The following PAPOLG variants were observed in gnomAD, a reference collection of about 807,000 sequenced individuals.
PAPOLG encodes the protein poly(A) polymerase gamma, also known as PAP-gamma.
A neutral mutation model predicts 99.0 loss-of-function variants in PAPOLG; 40 were observed. The ratio of observed to expected loss-of-function variants is 0.40; its 90% CI spans 0.31 to 0.53. The LOEUF (loss-of-function observed/expected upper bound fraction) is 0.53. Among genes scored for constraint, PAPOLG ranks in the 20% least tolerant of loss-of-function variants. The pLI is 0.41. For missense variants in PAPOLG, 675 were observed against 884.1 expected (o/e 0.76, Z 3.00); for synonymous variants, 310 against 299.3 (o/e 1.04, Z -0.37).
chr2:60,796,906 GA>G, intron 21 of PAPOLG, 155 bp from the exon 22 acceptor site: 1 of 470,040 alleles, frequency 2.1e-6, no homozygotes. Flanking sequence ...AGTTCCCTAT[GA>G]ACACGGAAGG....
chr2:60,785,720 T>C (rs1671342838), intron 13 of PAPOLG, among the ~76,000 whole-genome samples: 1 of 148,492 alleles, frequency 6.7e-6, no homozygotes, highest in South Asian at 2.1e-4. Context: ...CTTATAGGGA[T>C]GGAATCTCAC....
chr2:60,766,676 G>GT (rs1170275759), intron 3 of PAPOLG, among the ~76,000 whole-genome samples: 2 of 128,958 alleles, frequency 1.6e-5, no homozygotes, highest in African/African-American at 5.6e-5. Context: ...GTCTCCATCT[G>GT]TTTAAAAAAA....
In PAPOLG at chr2:60,760,214, T is replaced by A; in HGVS notation, c.98T>A (p.Ile33Asn). Residue 33 changes from isoleucine to asparagine, a missense_variant, in exon 2 of 22, where the codon ATT (isoleucine) becomes AAT (asparagine). Transcript: ENST00000238714. ...SPISLASPKE[I>N]DHIYTQKLID... is the part of the protein sequence containing the mutation. ...ATTAGTTTGGCATCTCCTAAAGAAA[T>A]TGATCATATTTACACACAGAAATTA... The A allele has an allele frequency of 1.2e-6, 2 of 1,613,856 alleles. No individual in the cohort carries two copies. The highest frequency in any genetic ancestry group is 2.2e-5 in the East Asian group (1 of 44,884).
At chr2:60,768,585 AT>A (rs1372808591) in intron 4 of PAPOLG, 34 bp downstream of exon 4, 1 of 1,502,062 alleles carries the variant, frequency 6.7e-7, no homozygotes, top group East Asian at 2.3e-5. Context: ...TGCTAAGAAC[AT>A]TCAATAACAA....
At chr2:60,765,565 T>C (rs1217553415) in intron 3 of PAPOLG, among the ~76,000 whole-genome samples, 4 of 152,158 alleles carry the variant, frequency 2.6e-5, no homozygotes, top group Non-Finnish European at 1.5e-5. Flanking sequence ...TATTTTACTT[T>C]GGAAAGTAAC....
In PAPOLG at chr2:60,779,625, T is replaced by G; in HGVS notation, c.695-12T>G. The stretch of plus-strand genomic sequence containing the variant: ...GTCCTAATAATAATTAACAAATATA[T>G]TGATTTTCTAGGACGTGGTATTTAT... On this transcript the variant is annotated splice_polypyrimidine_tract_variant and intron_variant, in intron 8 of 21. Coordinates refer to ENST00000238714, the MANE Select transcript of PAPOLG (RefSeq NM_022894.4). 1 of 1,599,502 alleles carries G rather than the reference T, an allele frequency of 6.3e-7. No homozygotes were observed. Among genetic ancestry groups the G allele is most frequent in the Non-Finnish European group, 8.5e-7 (1 of 1,171,266 alleles).
Position 60,768,788 on chromosome 2 carries a change from C to T in PAPOLG, c.336C>T (p.Asp112=). Residue 112 remains aspartate, a synonymous_variant, in exon 5 of 22, where the codon GAC becomes GAT. Coordinates refer to ENST00000238714, the MANE Select transcript of PAPOLG (RefSeq NM_022894.4). ...YRLGVHTKGA[D]IDALCVAPRH... is the part of the protein sequence containing the mutation. ...AACTACTTTAATTTACAGGAGCTGA[C>T]ATTGATGCACTTTGTGTAGCTCCAA... 6.4e-7 allele frequency: 1 copy of T among 1,560,868 alleles called. No individual in the cohort carries two copies. The highest frequency in any genetic ancestry group is 8.7e-7 in the Non-Finnish European group (1 of 1,152,432).
intron 3 of PAPOLG, among the ~76,000 whole-genome samples, chr2:60,764,494 G>A (rs757398995): frequency 2.0e-5 from 3 of 150,402 alleles, no homozygotes; most frequent in Non-Finnish European, 4.4e-5. Flanking sequence ...TCAGCTCACT[G>A]CAACCTCCGC....
rs72881989 is a variant in PAPOLG at position 60,779,623 on chromosome 2, T to C, written c.695-14T>C. ...AGGTCCTAATAATAATTAACAAATATATTGATTTTCTAGGACGTGGTATTT... is the reference window on the plus strand; with the variant it reads ...AGGTCCTAATAATAATTAACAAATACATTGATTTTCTAGGACGTGGTATTT... On this transcript the variant is annotated splice_polypyrimidine_tract_variant and intron_variant, in intron 8 of 21. Transcript: ENST00000238714. 1.9e-3 allele frequency: 3,091 copies of C among 1,599,614 alleles called. 75 individuals are homozygous for C. The African/African-American group carries it at 0.037, about 19-fold the overall frequency.
At chr2:60,768,661 A>G in intron 4 of PAPOLG, 110 bp downstream of exon 4, 1 of 1,319,664 alleles carries the variant, frequency 7.6e-7, no homozygotes, top group South Asian at 1.4e-5. Flanking sequence ...AGAGCTAATC[A>G]TTGTTAACAT....
chr2:60,797,308 T>A lies in PAPOLG; in HGVS notation c.*148T>A, dbSNP rs1162104948. The A allele has an allele frequency of 2.1e-6, 2 of 934,584 alleles. No homozygotes were observed. Among genetic ancestry groups the A allele is most frequent in the African/African-American group, 3.3e-5 (2 of 60,198 alleles). The allele number at this position is 934,584 out of a possible 1,614,324, so 57.9% of individuals were successfully genotyped here. ...AATAACCTTGAAGTGGTTTTTGAAC[T>A]GTCAAACTTTGACCTGTAGATGCTG... is the stretch of plus-strand genomic sequence containing the variant. On this transcript the variant is annotated 3_prime_UTR_variant, in exon 22 of 22. Transcript: ENST00000238714.
chr2:60,787,852 G>A (rs781530862), intron 15 of PAPOLG, among the ~76,000 whole-genome samples: 3 of 152,204 alleles, frequency 2.0e-5, no homozygotes, highest in Non-Finnish European at 2.9e-5. Context: ...AGGAATTCGA[G>A]ACCAGCCTGG....
rs528622235 is a variant in PAPOLG, at chr2:60,787,083, A to G, written c.1286+17A>G. ...TCATAAAGAGTAAGTTAATTGTTTT[A>G]TAATACTTTATTTCTTAAATAATGT... is the stretch of plus-strand genomic sequence containing the variant. On this transcript the variant is annotated intron_variant, in intron 14 of 21. Coordinates refer to ENST00000238714, the MANE Select transcript of PAPOLG (RefSeq NM_022894.4). 1 of 1,547,116 alleles carries G rather than the reference A, an allele frequency of 6.5e-7. No homozygotes were observed. Among genetic ancestry groups the G allele is most frequent in the Admixed American group, 2.0e-5 (1 of 50,270 alleles).
intron 3 of PAPOLG, among the ~76,000 whole-genome samples, chr2:60,763,646 G>C (rs1246519254): frequency 1.3e-5 from 2 of 152,098 alleles, no homozygotes; most frequent in Non-Finnish European, 2.9e-5. Context: ...TGGGGCTACA[G>C]GTGCACACCA....
intron 7 of PAPOLG, among the ~76,000 whole-genome samples, chr2:60,772,404 G>T (rs764521427): frequency 1.4e-5 from 2 of 147,842 alleles, no homozygotes. Flanking sequence ...CCGTGATTAC[G>T]CCACTGCACT....
chr2:60,783,324 CTTTTTTTT>C (rs72172236), intron 13 of PAPOLG, 115 bp downstream of exon 13: 14 of 158,384 alleles, frequency 8.8e-5, no homozygotes, highest in South Asian at 4.1e-4. Flanking sequence ...TATTATATCT[CTTTTTTTT>C]TTTTTTTTTT....
chr2:60,756,412 G>A lies in PAPOLG; in HGVS notation c.-67G>A, dbSNP rs1432947292. 1.1e-5 allele frequency: 18 copies of A among 1,608,662 alleles called. No homozygotes were observed. The highest frequency in any genetic ancestry group is 1.4e-5 in the Non-Finnish European group (16 of 1,175,528). On this transcript the variant is annotated 5_prime_UTR_variant, in exon 1 of 22. Coordinates refer to ENST00000238714, the MANE Select transcript of PAPOLG (RefSeq NM_022894.4). ...GACCGGAGGAAAGTGAACAGGGGGA[G>A]AAGGGAACAGCAAGAACAGGACTCC...
In PAPOLG at chr2:60,793,733, TATATATTAATA is replaced by T. The variant is rs1257054182; in HGVS notation, c.1768+21_1768+31del. ...TGGCGCAAGTAGGTATCTAAACTTG[TATATATTAATA>T]ATTATATTTACAAAAAATTAGCTAG... On this transcript the variant is annotated intron_variant, in intron 18 of 21. Transcript: ENST00000238714. The T allele has an allele frequency of 6.3e-7, 1 of 1,595,310 alleles. No individual in the cohort carries two copies. Among genetic ancestry groups the T allele is most frequent in the Non-Finnish European group, 8.5e-7 (1 of 1,170,836 alleles).
intron 13 of PAPOLG, 46 bp from the exon 14 acceptor site, chr2:60,786,901 A>G (rs1671379662): frequency 6.3e-7 from 1 of 1,575,692 alleles, no homozygotes; most frequent in Non-Finnish European, 8.6e-7. Flanking sequence ...GTAGCTTTCA[A>G]ATTTAAAGTG....
Sources: gnomAD v4.1 joint callset for allele counts (sites outside exome capture counted in the v4.1 genomes callset) on GRCh38, gnomAD v4.1.1 for gene constraint, MANE v1.5 for transcripts, NCBI Gene and HGNC (gene_info 2026-07-23, HGNC 2026-07-21) for gene names.